Variants in ASTN2 observed in about 807,000 individuals in gnomAD.
The protein encoded by ASTN2 is astrotactin-2.
A neutral mutation model predicts 139.8 loss-of-function variants in ASTN2; 54 were observed. The ratio of observed to expected loss-of-function variants is 0.39; its 90% CI spans 0.31 to 0.48. The LOEUF is 0.48. Ranked by LOEUF, ASTN2 falls within the 20% of genes least tolerant of loss-of-function variation. ASTN2 has a pLI of 0.95. For missense variants in ASTN2, 1,565 were observed against 1,725.1 expected (o/e 0.91, Z 1.64); for synonymous variants, 756 against 719.5 (o/e 1.05, Z -0.81).
intron 19 of ASTN2, among the ~76,000 whole-genome samples, chr9:116,604,974 G>C (rs1359864361): frequency 6.6e-6 from 1 of 151,954 alleles, no homozygotes; most frequent in African/African-American, 2.4e-5. Context: ...ATCAGAGCCA[G>C]CTTAGAGAGA....
At chr9:117,384,670 C>G (rs10983642) in intron 1 of ASTN2, among the ~76,000 whole-genome samples, 19,490 of 152,172 alleles carry the variant, frequency 0.13, 1,616 homozygotes, top group East Asian at 0.32. Context: ...TCTTGAAAGG[C>G]CCTCCCAGGT....
chr9:116,446,591 G>A (rs1361676895), intron 20 of ASTN2, among the ~76,000 whole-genome samples: 1 of 152,160 alleles, frequency 6.6e-6, no homozygotes, highest in African/African-American at 2.4e-5. Context: ...TGCCCTGGCT[G>A]ATCGAGGTCC....
At chr9:116,611,386 CCAAA>C (rs1169725821) in intron 19 of ASTN2, 21 of 151,850 alleles carry the variant, frequency 1.4e-4, no homozygotes, top group Non-Finnish European at 2.7e-4. Flanking sequence ...TCAAAGTAAG[CCAAA>C]CAAAGAAAAT....
chr9:117,292,733 G>T (rs1163283904), intron 1 of ASTN2, among the ~76,000 whole-genome samples: 1 of 152,020 alleles, frequency 6.6e-6, no homozygotes, highest in Non-Finnish European at 1.5e-5. Flanking sequence ...CACGAGGAGA[G>T]CTGATAGGCA....
At chr9:117,228,778 G>A (rs1450532074) in intron 2 of ASTN2, among the ~76,000 whole-genome samples, 1 of 152,078 alleles carries the variant, frequency 6.6e-6, no homozygotes, top group African/African-American at 2.4e-5. Context: ...ACTTTAGGAG[G>A]CCGAGGCGGG....
chr9:117,150,276 A>G (rs1187021129), intron 3 of ASTN2, among the ~76,000 whole-genome samples: 1 of 152,178 alleles, frequency 6.6e-6, no homozygotes. Context: ...GATGAATGCA[A>G]TAAATACAAT....
chr9:116,991,604 C>G (rs1250113384), intron 7 of ASTN2, among the ~76,000 whole-genome samples: 2 of 139,638 alleles, frequency 1.4e-5, no homozygotes, highest in African/African-American at 5.4e-5. Context: ...AAAAAAAAAG[C>G]AGAAAATTGA....
intron 19 of ASTN2, among the ~76,000 whole-genome samples, chr9:116,534,441 T>G (rs955800485): frequency 6.6e-5 from 10 of 152,212 alleles, no homozygotes; most frequent in Admixed American, 2.0e-4. Context: ...CTAGTTCTTT[T>G]AATTATGATG....
chr9:116,699,095 C>A lies in ASTN2; in HGVS notation c.2806+26676G>T. The A allele has an allele frequency of 6.2e-7, 1 of 1,614,052 alleles. No homozygotes were observed. Among genetic ancestry groups the A allele is most frequent in the Non-Finnish European group, 8.5e-7 (1 of 1,179,938 alleles). ...GTGTGACTGACAGCTATGATAACTC[C>A]CTCAAGGTATATACCTTGGATGGCC... On this transcript the variant is annotated intron_variant, in intron 16 of 22. Transcript: ENST00000313400. This position sits in a 1 kb window ranked among gnomAD's most constrained non-coding sequence, Gnocchi z 4.2.
At chr9:117,005,619 C>T (rs1017308457) in intron 7 of ASTN2, among the ~76,000 whole-genome samples, 6 of 152,186 alleles carry the variant, frequency 3.9e-5, no homozygotes, top group African/African-American at 1.2e-4. Flanking sequence ...AACTTAGAGG[C>T]ATCTTTCCCA....
At chr9:116,516,270 A>G (rs1238123362) in intron 19 of ASTN2, among the ~76,000 whole-genome samples, 3 of 152,206 alleles carry the variant, frequency 2.0e-5, no homozygotes, top group Admixed American at 6.5e-5. Flanking sequence ...TATAGGTACA[A>G]TGATTGAAAG....
At chr9:117,267,708 G>A (rs1333293870) in intron 2 of ASTN2, among the ~76,000 whole-genome samples, 1 of 152,170 alleles carries the variant, frequency 6.6e-6, no homozygotes, top group Non-Finnish European at 1.5e-5. Flanking sequence ...CCTAAGAGCT[G>A]GCTCCTGACT....
At chr9:116,743,703 A>G (rs983357492) in intron 13 of ASTN2, among the ~76,000 whole-genome samples, 1 of 152,134 alleles carries the variant, frequency 6.6e-6, no homozygotes, top group African/African-American at 2.4e-5. Context: ...GGGTTTCACC[A>G]TGTCAGCCAG....
At chr9:116,554,901 G>A (rs749527194) in intron 19 of ASTN2, among the ~76,000 whole-genome samples, 3 of 152,150 alleles carry the variant, frequency 2.0e-5, no homozygotes, top group Non-Finnish European at 2.9e-5. Flanking sequence ...GCAAAATTGT[G>A]AAGGTGATGC....
chr9:117,398,619 G>T (rs866532033), intron 1 of ASTN2, among the ~76,000 whole-genome samples: 1 of 152,168 alleles, frequency 6.6e-6, no homozygotes. Context: ...GGCACCAAAG[G>T]TGGCTATTCA....
chr9:116,970,894 T>C (rs1203928098), intron 10 of ASTN2, among the ~76,000 whole-genome samples: 1 of 152,228 alleles, frequency 6.6e-6, no homozygotes, highest in African/African-American at 2.4e-5. Flanking sequence ...ATAGCTATTC[T>C]CACATTTATC....
intron 19 of ASTN2, among the ~76,000 whole-genome samples, chr9:116,535,975 C>T (rs10983224): frequency 0.014 from 2,130 of 152,230 alleles, 19 homozygotes; most frequent in African/African-American, 0.032. Flanking sequence ...CCATTCTCCC[C>T]GTCACTTTCA....
chr9:116,867,413 G>A (rs1833041942), intron 10 of ASTN2, among the ~76,000 whole-genome samples: 1 of 151,816 alleles, frequency 6.6e-6, no homozygotes, highest in Non-Finnish European at 1.5e-5. Flanking sequence ...AGCTGGGCGT[G>A]GTGGCGGGTG....
chr9:117,026,396 A>C (rs932527977), intron 6 of ASTN2, among the ~76,000 whole-genome samples: 8 of 152,112 alleles, frequency 5.3e-5, no homozygotes, highest in Non-Finnish European at 1.0e-4. Flanking sequence ...ACAGCTTTAC[A>C]AAAAGGGGAT....
Sources: allele counts gnomAD v4.1 joint callset (sites outside exome capture counted in the v4.1 genomes callset), GRCh38; gene constraint gnomAD v4.1.1; non-coding constraint Gnocchi (gnomAD v3.1); transcripts MANE v1.5; gene names NCBI Gene and HGNC (gene_info 2026-07-23, HGNC 2026-07-21).